ROCK2: variants seen among roughly 807,000 people sequenced by gnomAD.
ROCK2 encodes the protein Rho associated coiled-coil containing protein kinase 2.
A neutral mutation model predicts 195.1 loss-of-function variants in ROCK2; 61 were observed. That is an observed-to-expected ratio of 0.31 (90% CI 0.25 to 0.39). The LOEUF (loss-of-function observed/expected upper bound fraction) is 0.39. ROCK2 is among the 10% of genes least tolerant of loss of function. ROCK2 has a pLI of 1.00. For missense variants in ROCK2, 1,109 were observed against 1,637.4 expected, an observed-to-expected ratio of 0.68 and a Z score of 5.57; for synonymous variants, 504 against 545.5, an observed-to-expected ratio of 0.92 and a Z score of 1.06.
Position 11,214,446 on chromosome 2 carries a change from C to T in ROCK2, c.1954G>A (p.Glu652Lys). ...NDLQGRICGL[E>K]EDLKNGKILL... The stretch of plus-strand genomic sequence containing the variant: ...ATTTTGCCGTTCTTTAAATCTTCTT[C>T]TAGGCCACATATTCTACCTAAAAAT... Residue 652 changes from glutamate (E) to lysine (K), a missense_variant, in exon 17 of 33, where the codon GAA becomes AAA. Physicochemically the swap from Glu to Lys is moderately conservative, Grantham distance 56 (BLOSUM62 1). Transcript: ENST00000315872. The T allele has an allele frequency of 1.2e-6, 2 of 1,604,986 alleles. No homozygotes were observed. The highest frequency in any genetic ancestry group is 1.7e-6 in the Non-Finnish European group (2 of 1,173,144).
chr2:11,285,456 C>T (rs1667155526), intron 3 of ROCK2, among the ~76,000 whole-genome samples: 1 of 151,962 alleles, frequency 6.6e-6, no homozygotes, highest in Non-Finnish European at 1.5e-5. Context: ...GTGTGTCAGA[C>T]TTCTTCAGAA....
chr2:11,263,596 T>C (rs1666307511), intron 3 of ROCK2, among the ~76,000 whole-genome samples: 1 of 101,864 alleles, frequency 9.8e-6, no homozygotes, highest in Non-Finnish European at 2.1e-5. Context: ...TCCAAAGTTT[T>C]ACATTATTAA....
intron 1 of ROCK2, among the ~76,000 whole-genome samples, chr2:11,324,690 G>T (rs1436702829): frequency 6.6e-6 from 1 of 152,168 alleles, no homozygotes; most frequent in African/African-American, 2.4e-5. Context: ...GAAAGAACTT[G>T]TTATTTTCAT....
chr2:11,187,909 T>C (rs1663256171), intron 32 of ROCK2, among the ~76,000 whole-genome samples: 1 of 152,168 alleles, frequency 6.6e-6, no homozygotes, highest in Admixed American at 6.5e-5. Context: ...GATAAGATAA[T>C]AATGACACAA....
At chr2:11,225,244 G>A (rs1664772722) in intron 6 of ROCK2, among the ~76,000 whole-genome samples, 1 of 152,082 alleles carries the variant, frequency 6.6e-6, no homozygotes, top group African/African-American at 2.4e-5. Flanking sequence ...CACCATTTTG[G>A]CCAGTACTCA....
chr2:11,334,290 A>G (rs1425005954), intron 1 of ROCK2, among the ~76,000 whole-genome samples: 2 of 152,132 alleles, frequency 1.3e-5, no homozygotes, highest in Non-Finnish European at 2.9e-5. Flanking sequence ...AGGTGGGCGG[A>G]TCACAAGGTC....
chr2:11,327,131 T>C (rs1668573722), intron 1 of ROCK2, among the ~76,000 whole-genome samples: 1 of 152,118 alleles, frequency 6.6e-6, no homozygotes, highest in Non-Finnish European at 1.5e-5. Flanking sequence ...AGAGACAAAC[T>C]GATCCAGAAC....
chr2:11,252,195 G>T (rs1290036680), intron 3 of ROCK2, among the ~76,000 whole-genome samples: 6 of 152,248 alleles, frequency 3.9e-5, no homozygotes, highest in African/African-American at 1.2e-4. Context: ...TGGATCACCT[G>T]AAGTCAGGCG....
Position 11,273,565 on chromosome 2 carries a change from C to T in ROCK2, c.324+12974G>A, listed in dbSNP as rs115676188. 3.9e-3 allele frequency among the ~76,000 whole-genome samples: 593 copies of T among 152,222 alleles called. 2 individuals carry two copies. The highest frequency in any genetic ancestry group is 0.013 in the African/African-American group (534 of 41,538). ...ATAATAATAGTTGGAGACTTTCATT[C>T]TCTATTATCACTTAATAGAATGGAG... On this transcript the variant is annotated intron_variant, in intron 3 of 32. Transcript: ENST00000315872.
chr2:11,341,610 T>C lies in ROCK2; in HGVS notation c.141+2386A>G, dbSNP rs552889420. On this transcript the variant is annotated intron_variant, in intron 1 of 32. Coordinates refer to ENST00000315872, the MANE Select transcript of ROCK2 (RefSeq NM_004850.5). The stretch of plus-strand genomic sequence containing the variant: ...CATCTTAGGTATATACTATTTTTAA[T>C]GGTACTTTCTGAGCTCCTGAATGTA... 3.4e-3 allele frequency among the ~76,000 whole-genome samples: 518 copies of C among 152,314 alleles called. 4 individuals carry two copies. The highest frequency in any genetic ancestry group is 0.012 in the African/African-American group (508 of 41,568).
At chr2:11,327,235 T>C (rs1168173841) in intron 1 of ROCK2, among the ~76,000 whole-genome samples, 2 of 152,224 alleles carry the variant, frequency 1.3e-5, no homozygotes, top group South Asian at 2.1e-4. Flanking sequence ...AATGGGTTCC[T>C]GCCTGCTAGT....
intron 1 of ROCK2, among the ~76,000 whole-genome samples, chr2:11,321,259 T>C (rs1224143615): frequency 1.3e-5 from 2 of 152,054 alleles, no homozygotes; most frequent in African/African-American, 2.4e-5. Context: ...CGCTGCAACC[T>C]CCGCCTCCAA....
Position 11,214,382 on chromosome 2 carries a change from TG to T in ROCK2, c.2017del (p.Gln673ArgfsTer16). ...CTTTTCCAAATCAGTAAATCTCTCC[TG>T]AAGTTGTCTCTTCTCCAGTTCTACT... Reference protein sequence around the residue: ...AKVELEKRQLQERFTDLEKEK... With the variant: ...AKVELEKRQLXERFTDLEKEK... On this transcript the variant is annotated frameshift_variant, in exon 17 of 33. Coordinates refer to ENST00000315872, the MANE Select transcript of ROCK2 (RefSeq NM_004850.5). LOFTEE classifies it high-confidence loss of function. The T allele has an allele frequency of 6.3e-7, 1 of 1,597,384 alleles. No individual in the cohort carries two copies. The highest frequency in any genetic ancestry group is 8.6e-7 in the Non-Finnish European group (1 of 1,166,312).
At chr2:11,277,497 C>T (rs1666865914) in intron 3 of ROCK2, among the ~76,000 whole-genome samples, 1 of 152,168 alleles carries the variant, frequency 6.6e-6, no homozygotes, top group South Asian at 2.1e-4. Context: ...TCATTCCCCT[C>T]AAGTCCCCAA....
At chr2:11,283,617 T>C (rs1300231482) in intron 3 of ROCK2, among the ~76,000 whole-genome samples, 2 of 129,860 alleles carry the variant, frequency 1.5e-5, no homozygotes, top group Non-Finnish European at 3.5e-5. Context: ...GGAAAAGATA[T>C]ACAGATGGCA....
intron 3 of ROCK2, among the ~76,000 whole-genome samples, chr2:11,278,344 A>T (rs574058051): frequency 2.7e-4 from 41 of 152,350 alleles, no homozygotes; most frequent in African/African-American, 9.9e-4. Context: ...AATTTCACTT[A>T]ATACAAGATC....
At chr2:11,259,349 A>G (rs1409998991) in intron 3 of ROCK2, among the ~76,000 whole-genome samples, 1 of 151,340 alleles carries the variant, frequency 6.6e-6, no homozygotes, top group Non-Finnish European at 1.5e-5. Flanking sequence ...TTTGCATATC[A>G]TATACTGTAA....
At chr2:11,198,358 C>G (rs1481186473) in intron 25 of ROCK2, 133 bp downstream of exon 25, 4 of 600,228 alleles carry the variant, frequency 6.7e-6, no homozygotes, top group Non-Finnish European at 1.1e-5. Flanking sequence ...TGGCAAAAAT[C>G]AGGTAATTGT....
intron 1 of ROCK2, among the ~76,000 whole-genome samples, chr2:11,304,589 C>CA (rs1253008277): frequency 6.6e-6 from 1 of 152,204 alleles, no homozygotes; most frequent in Non-Finnish European, 1.5e-5. Flanking sequence ...CAATGGAACT[C>CA]AGAGAATGAT....
Sources: allele counts gnomAD v4.1 joint callset (sites outside exome capture counted in the v4.1 genomes callset), GRCh38; gene constraint gnomAD v4.1.1; transcripts MANE v1.5; gene names NCBI Gene and HGNC (gene_info 2026-07-23, HGNC 2026-07-21).